The following GTF2A1L variants were observed in gnomAD, a reference collection of about 807,000 sequenced individuals.
GTF2A1L encodes the protein TFIIA-alpha and beta-like factor.
A neutral mutation model predicts 49.7 loss-of-function variants in GTF2A1L; 48 were observed. The observed-to-expected ratio is 0.97, with a 90% CI of 0.77 to 1.23. The LOEUF (loss-of-function observed/expected upper bound fraction) is 1.23, where lower values mean the gene tolerates loss of function less well. Ranked by LOEUF, GTF2A1L falls within the 50% of genes most tolerant of loss-of-function variation. The probability of loss-of-function intolerance (pLI) is 0.00; values close to 1 mark genes in which losing one functional copy is unlikely to be tolerated. For missense variants in GTF2A1L, 736 were observed against 564.8 expected, an observed-to-expected ratio of 1.30 and a Z score of -3.07; for synonymous variants, 246 against 193.5, an observed-to-expected ratio of 1.27 and a Z score of -2.25.
Position 48,671,685 on chromosome 2 carries a change from T to G in GTF2A1L, c.1329+5T>G. On this transcript the variant is annotated splice_donor_5th_base_variant and intron_variant, in intron 8 of 8. Coordinates refer to ENST00000403751, the MANE Select transcript of GTF2A1L (RefSeq NM_006872.5). ...ATTGTCTGTCAGTATGATAAGGTACTGTATTTACCTTTTGGACTTTGGGTT... is the reference window on the plus strand; with the variant it reads ...ATTGTCTGTCAGTATGATAAGGTACGGTATTTACCTTTTGGACTTTGGGTT... 1 of 1,607,120 alleles carries G rather than the reference T, an allele frequency of 6.2e-7. No homozygotes were observed.
At chr2:48,642,600 A>T in intron 4 of GTF2A1L, 143 bp downstream of exon 4, 1 of 662,256 alleles carries the variant, frequency 1.5e-6, no homozygotes, top group Non-Finnish European at 2.3e-6. Flanking sequence ...CACGCCTGTA[A>T]TTCCAGCACT....
In GTF2A1L at chr2:48,640,057, G is replaced by A. The variant is rs926508614; in HGVS notation, c.248-2345G>A. On this transcript the variant is annotated intron_variant, in intron 3 of 8. Transcript: ENST00000403751. ...AAAAGTAAAAAATGAACAGATACTGGTGAGGTTGCAGAGAAAAGGAAATAC... is the reference window on the plus strand; with the variant it reads ...AAAAGTAAAAAATGAACAGATACTGATGAGGTTGCAGAGAAAAGGAAATAC... Among the ~76,000 whole-genome samples, 8 of 152,310 alleles carry A rather than the reference G, an allele frequency of 5.3e-5. 1 individual carries two copies. The South Asian group carries it at 1.7e-3, about 32-fold the overall frequency.
At chr2:48,634,520 T>C (rs539447887) in intron 3 of GTF2A1L, among the ~76,000 whole-genome samples, 1 of 152,324 alleles carries the variant, frequency 6.6e-6, no homozygotes, top group Non-Finnish European at 1.5e-5. Context: ...TGTGTTTTCA[T>C]GGTAGCTGGC....
At chr2:48,659,462 C>G (rs1472483080) in intron 6 of GTF2A1L, among the ~76,000 whole-genome samples, 1 of 151,944 alleles carries the variant, frequency 6.6e-6, no homozygotes, top group Non-Finnish European at 1.5e-5. Flanking sequence ...ATTTGGCATT[C>G]CTTGAGATTT....
intron 1 of GTF2A1L, chr2:48,618,120 C>T: frequency 7.5e-6 from 4 of 531,306 alleles, no homozygotes; most frequent in Non-Finnish European, 1.0e-5. Flanking sequence ...GAACAAGTGC[C>T]CTTTTTCTCT....
At chr2:48,642,299 C>A in intron 3 of GTF2A1L, 103 bp from the exon 4 acceptor site, 1 of 1,134,016 alleles carries the variant, frequency 8.8e-7, no homozygotes, top group Non-Finnish European at 1.2e-6. Context: ...CATGGTTTAA[C>A]CTGTTAGTGA....
chr2:48,665,349 T>C (rs1239854341), intron 6 of GTF2A1L, among the ~76,000 whole-genome samples: 1 of 151,612 alleles, frequency 6.6e-6, no homozygotes, highest in Non-Finnish European at 1.5e-5. Flanking sequence ...CATTATTTCC[T>C]TCCTCCTGTT....
At chr2:48,620,094 T>C (rs1675897196) in intron 1 of GTF2A1L, among the ~76,000 whole-genome samples, 1 of 152,226 alleles carries the variant, frequency 6.6e-6, no homozygotes, top group Admixed American at 6.5e-5. Flanking sequence ...TTTATTTATA[T>C]TTGTGGAAAT....
At chr2:48,643,348 G>A (rs939670886) in intron 4 of GTF2A1L, among the ~76,000 whole-genome samples, 19 of 152,154 alleles carry the variant, frequency 1.2e-4, no homozygotes, top group African/African-American at 4.6e-4. Context: ...ACTGAGAGTA[G>A]TACATAATCT....
intron 6 of GTF2A1L, among the ~76,000 whole-genome samples, chr2:48,652,601 C>T (rs182526149): frequency 5.9e-5 from 9 of 151,380 alleles, no homozygotes; most frequent in African/African-American, 9.7e-5. Flanking sequence ...GGCAACAGAG[C>T]GAGACCCCAT....
chr2:48,641,219 C>CT, intron 3 of GTF2A1L, among the ~76,000 whole-genome samples: 1 of 152,306 alleles, frequency 6.6e-6, no homozygotes, highest in South Asian at 2.1e-4. Context: ...ACTAATACCA[C>CT]TGTGTTCCTG....
chr2:48,647,944 C>T (rs2104207762), intron 6 of GTF2A1L, among the ~76,000 whole-genome samples: 1 of 152,144 alleles, frequency 6.6e-6, no homozygotes, highest in Middle Eastern at 3.4e-3. Context: ...GTTTTTGCTC[C>T]AGCTAGTGGT....
At chr2:48,676,702 C>G (rs566755061) in intron 8 of GTF2A1L, among the ~76,000 whole-genome samples, 48 of 151,640 alleles carry the variant, frequency 3.2e-4, no homozygotes, top group African/African-American at 1.1e-3. Context: ...ATCTGTCAAT[C>G]TTTAATTTTA....
intron 3 of GTF2A1L, among the ~76,000 whole-genome samples, chr2:48,631,957 T>C (rs1350951359): frequency 2.6e-5 from 4 of 152,212 alleles, no homozygotes; most frequent in Non-Finnish European, 4.4e-5. Context: ...TTCCATGTAA[T>C]TGTGTGATTT....
intron 3 of GTF2A1L, among the ~76,000 whole-genome samples, chr2:48,623,884 C>T (rs975017893): frequency 2.6e-5 from 4 of 152,156 alleles, no homozygotes; most frequent in South Asian, 2.1e-4. Context: ...CAGAAAGGTG[C>T]GAACACTGGG....
intron 3 of GTF2A1L, among the ~76,000 whole-genome samples, chr2:48,635,065 A>G (rs1449778768): frequency 1.3e-5 from 2 of 152,160 alleles, no homozygotes; most frequent in East Asian, 3.9e-4. Context: ...ATTCTAATCC[A>G]GGGTAGTGAG....
chr2:48,661,918 G>C (rs531114024), intron 6 of GTF2A1L, among the ~76,000 whole-genome samples: 10 of 152,142 alleles, frequency 6.6e-5, no homozygotes, highest in Admixed American at 1.3e-4. Flanking sequence ...TGATCGGAAA[G>C]AACTAACTCT....
rs570481866 is a variant in GTF2A1L, at chr2:48,669,838, A to T, written c.1095A>T (p.Arg365Ser). The T allele has an allele frequency of 1.2e-6, 2 of 1,613,964 alleles. No individual in the cohort carries two copies. The highest frequency in any genetic ancestry group is 1.3e-5 in the African/African-American group (1 of 74,934). The change falls in exon 7 of 9, where the codon AGA becomes AGT. Residue 365 changes from arginine (R) to serine (S), a missense_variant. Physicochemically the swap from Arg to Ser is moderately radical, Grantham distance 110. Transcript: ENST00000403751. ...TSSNEEIGST[R>S]DADENEFLGN... ...CCAATGAAGAAATAGGAAGTACAAG[A>T]GATGCAGATGAGAATGAATTTCTAG...
chr2:48,638,944 G>C (rs1195185864), intron 3 of GTF2A1L, among the ~76,000 whole-genome samples: 1 of 150,928 alleles, frequency 6.6e-6, no homozygotes, highest in Non-Finnish European at 1.5e-5. Flanking sequence ...CAAGCAGAGA[G>C]GTAAACCAGG....
Sources: gnomAD v4.1 joint callset for allele counts (sites outside exome capture counted in the v4.1 genomes callset) on GRCh38, gnomAD v4.1.1 for gene constraint, MANE v1.5 for transcripts, NCBI Gene and HGNC (gene_info 2026-07-23, HGNC 2026-07-21) for gene names.